Variants in CUX1 observed in about 807,000 individuals in gnomAD.
CUX1 encodes protein CASP.
A neutral mutation model predicts 158.8 loss-of-function variants in CUX1; 31 were observed. The observed-to-expected ratio is 0.20, with a 90% CI of 0.15 to 0.26. The LOEUF (loss-of-function observed/expected upper bound fraction) is 0.26, where lower values mean the gene tolerates loss of function less well. CUX1 is among the 10% of genes least tolerant of loss of function. The pLI is 1.00. For synonymous variants in CUX1, 879 were observed against 862.1 expected, an observed-to-expected ratio of 1.02 and a Z score of -0.34; for missense variants, 1,589 against 2,014.6, an observed-to-expected ratio of 0.79 and a Z score of 4.04.
intron 2 of CUX1, among the ~76,000 whole-genome samples, chr7:101,954,096 C>T (rs886374401): frequency 3.3e-5 from 5 of 152,054 alleles, no homozygotes; most frequent in African/African-American, 9.7e-5. Context: ...GAGGCTGAGA[C>T]GGGAGGATCA....
intron 2 of CUX1, among the ~76,000 whole-genome samples, chr7:102,016,420 C>T (rs1480265263): frequency 6.6e-6 from 1 of 152,252 alleles, no homozygotes; most frequent in East Asian, 1.9e-4. Context: ...GCCCCTAAAA[C>T]AGGGCCGGAA....
intron 8 of CUX1, among the ~76,000 whole-genome samples, chr7:102,129,738 T>A (rs1383542734): frequency 6.6e-6 from 1 of 152,146 alleles, no homozygotes; most frequent in Non-Finnish European, 1.5e-5. Context: ...GTCTTCTATG[T>A]GCCACATTTT....
Position 102,282,729 on chromosome 7 carries a change from A to G in CUX1, c.1920A>G (p.Ala640=), listed in dbSNP as rs782073642. ...CTGGCCAGGTGCTCTACAAGCTGGC[A>G]TGGAGCGAGAGCATGGAGAGGGACT... Residue 640 remains alanine (A), a synonymous_variant, in exon 22 of 23, where the codon GCA becomes GCG. Transcript: ENST00000292538. 1.1e-5 allele frequency: 18 copies of G among 1,613,560 alleles called. No homozygotes were observed. In the South Asian group the frequency reaches 1.8e-4, roughly 16 times the overall value.
chr7:102,077,294 G>T (rs1441387937), intron 4 of CUX1, among the ~76,000 whole-genome samples: 1 of 151,796 alleles, frequency 6.6e-6, no homozygotes, highest in Non-Finnish European at 1.5e-5. Flanking sequence ...GAGAATGTCG[G>T]GTCAATGGGG....
intron 3 of CUX1, among the ~76,000 whole-genome samples, chr7:102,032,359 C>T (rs1001611017): frequency 3.3e-5 from 5 of 151,882 alleles, no homozygotes; most frequent in African/African-American, 9.7e-5. Flanking sequence ...CCCAGGAGAT[C>T]GAGACCAGCC....
At chr7:102,091,696 A>G (rs1211815566) in intron 4 of CUX1, among the ~76,000 whole-genome samples, 1 of 152,112 alleles carries the variant, frequency 6.6e-6, no homozygotes, top group Non-Finnish European at 1.5e-5. Context: ...AAACTCTTAC[A>G]TGCTTTTGCC....
chr7:102,115,632 T>G, intron 8 of CUX1: 1 of 185,508 alleles, frequency 5.4e-6, no homozygotes, highest in Non-Finnish European at 1.1e-5. Context: ...CAGGGCCCTT[T>G]AGGAAGGCCT....
intron 20 of CUX1, among the ~76,000 whole-genome samples, chr7:102,216,540 ACACACACC>A (rs1294411414): frequency 6.4e-5 from 5 of 77,984 alleles, no homozygotes; most frequent in African/African-American, 2.3e-4. Flanking sequence ...CCCCCCACAC[ACACACACC>A]CACACACGCA....
At chr7:102,075,175 G>A (rs1032708593) in intron 4 of CUX1, among the ~76,000 whole-genome samples, 1 of 152,050 alleles carries the variant, frequency 6.6e-6, no homozygotes, top group African/African-American at 2.4e-5. Flanking sequence ...TGAGCATTTT[G>A]TCACCAACTC....
In CUX1 at chr7:101,821,550, G is replaced by C. The variant is rs552841939; in HGVS notation, c.30+3881G>C. 9.2e-5 allele frequency among the ~76,000 whole-genome samples: 14 copies of C among 151,450 alleles called. No homozygotes were observed. The South Asian group carries it at 2.7e-3, about 29-fold the overall frequency. ...AGACGGGGTTTCACCGTGTTAGCCC[G>C]GATGGTCTCGATCTCCTCACTTAGT... On this transcript the variant is annotated intron_variant, in intron 1 of 23. Transcript: ENST00000292535.
Position 102,032,172 on chromosome 7 carries a change from G to A in CUX1, c.189+4027G>A, listed in dbSNP as rs573427237. Among the ~76,000 whole-genome samples the A allele has an allele frequency of 7.9e-5, 12 of 151,844 alleles. No individual in the cohort carries two copies. The East Asian group carries it at 1.6e-3, about 20-fold the overall frequency. ...TTGAACTCCTGAGCTCCAGTGATCC[G>A]CCCGCCTCAGCCTCCCAGAGGGCTG... On this transcript the variant is annotated intron_variant, in intron 3 of 23. Transcript: ENST00000292535.
intron 20 of CUX1, among the ~76,000 whole-genome samples, chr7:102,216,885 T>TCACACA (rs35680063): frequency 2.0e-5 from 3 of 149,608 alleles, no homozygotes; most frequent in Middle Eastern, 3.5e-3. Flanking sequence ...ACACATTATC[T>TCACACA]CACACACACA....
intron 8 of CUX1, among the ~76,000 whole-genome samples, chr7:102,118,434 A>T (rs1831662098): frequency 6.6e-6 from 1 of 152,154 alleles, no homozygotes; most frequent in African/African-American, 2.4e-5. Context: ...GATACTTATG[A>T]GTCTGAAGTG....
chr7:102,011,497 C>G (rs58598138), intron 2 of CUX1, among the ~76,000 whole-genome samples: 58,197 of 151,728 alleles, frequency 0.38, 11,679 homozygotes, highest in Middle Eastern at 0.43. Flanking sequence ...ATTCTCCTGC[C>G]TCAGCCTCCC....
chr7:101,989,040 A>G (rs1814732828), intron 2 of CUX1, among the ~76,000 whole-genome samples: 1 of 151,962 alleles, frequency 6.6e-6, no homozygotes, highest in South Asian at 2.1e-4. Flanking sequence ...GGGGAAGGAC[A>G]CTCAGATTTC....
intron 1 of CUX1, among the ~76,000 whole-genome samples, chr7:101,818,586 A>G (rs1792134160): frequency 6.6e-6 from 1 of 152,234 alleles, no homozygotes; most frequent in Non-Finnish European, 1.5e-5. Context: ...TGTGGATATT[A>G]AGAAGAAATC....
At chr7:102,171,158 T>G (rs1213866787) in intron 10 of CUX1, among the ~76,000 whole-genome samples, 6 of 152,140 alleles carry the variant, frequency 3.9e-5, no homozygotes, top group African/African-American at 1.4e-4. Context: ...CAGACTCTCT[T>G]TCAATGCTGT....
At chr7:101,816,943 G>A (rs1397580582), upstream of CUX1, 4 of 982,700 alleles carry the variant, frequency 4.1e-6, no homozygotes, top group Non-Finnish European at 4.8e-6. Flanking sequence ...TTTACGTCCC[G>A]GGGAGCGCCC....
rs1007937555 is a variant in CUX1, at chr7:102,257,058, C to A, written c.*8016C>A. 9 of 985,404 alleles carry A rather than the reference C, an allele frequency of 9.1e-6. No individual in the cohort carries two copies. The highest frequency in any genetic ancestry group is 9.6e-6 in the Non-Finnish European group (8 of 829,974). 61.0% of individuals were successfully genotyped at this position (985,404 alleles called of 1,614,324 possible). A position where few individuals can be genotyped will look rare whatever the true frequency, so the allele number is the denominator to read the frequency against. ...TGCTTGCTGTGGCCCCAAGCTCAGC[C>A]AGCAGGACACCCAGTTGTTGCCAAT... On this transcript the variant is annotated 3_prime_UTR_variant, in exon 24 of 24. Transcript: ENST00000292535.
Sources: gnomAD v4.1 joint callset for allele counts (sites outside exome capture counted in the v4.1 genomes callset) on GRCh38, gnomAD v4.1.1 for gene constraint, MANE v1.5 for transcripts, NCBI Gene and HGNC (gene_info 2026-07-23, HGNC 2026-07-21) for gene names.